The following NCAPD2 variants were observed in gnomAD, a reference collection of about 807,000 sequenced individuals.
NCAPD2 encodes non-SMC condensin I complex subunit D2.
A neutral mutation model predicts 164.5 loss-of-function variants in NCAPD2; 100 were observed. That is an observed-to-expected ratio of 0.61 (90% CI 0.52 to 0.72). The LOEUF (loss-of-function observed/expected upper bound fraction) is 0.72, where lower values mean the gene tolerates loss of function less well. NCAPD2 is among the 30% of genes least tolerant of loss of function. The pLI is 0.00. For missense variants in NCAPD2, 1,560 were observed against 1,749.2 expected (o/e 0.89, Z 1.93); for synonymous variants, 585 against 642.6 (o/e 0.91, Z 1.36).
chr12:6,510,023 G>A (rs1946131319), intron 3 of NCAPD2, 52 bp from the exon 4 acceptor site: 2 of 1,548,152 alleles, frequency 1.3e-6, no homozygotes, highest in Non-Finnish European at 1.8e-6. Flanking sequence ...CTGTTAGAAG[G>A]GGCTCTGCAG....
At position 6,504,198 on chromosome 12, in the gene NCAPD2, T is replaced by TAC. The variant is rs1565539556; in HGVS notation, c.128-5518_128-5517insCA. On this transcript the variant is annotated intron_variant, in intron 2 of 31. Coordinates refer to ENST00000315579, the MANE Select transcript of NCAPD2 (RefSeq NM_014865.4). ...ATATATATACATATATATATATATA[T>TAC]ATATATATATATATATATAGATATA... 6.8e-3 allele frequency among the ~76,000 whole-genome samples: 186 copies of TAC among 27,244 alleles called. 6 individuals are homozygous for TAC. The South Asian group carries it at 0.097, about 14-fold the overall frequency. 17.9% of individuals were successfully genotyped at this position (27,244 alleles called of 152,430 possible).
chr12:6,506,571 CAGAG>C (rs1337185698), intron 2 of NCAPD2, among the ~76,000 whole-genome samples: 1 of 148,280 alleles, frequency 6.7e-6, no homozygotes, highest in African/African-American at 2.5e-5. Context: ...GCCTGGGCGA[CAGAG>C]AGAGATTCCG....
In NCAPD2 at chr12:6,504,228, T is replaced by C. The variant is rs1451332013; in HGVS notation, c.128-5489T>C. Among the ~76,000 whole-genome samples, 428 of 55,852 alleles carry C rather than the reference T, an allele frequency of 7.7e-3. 14 individuals carry two copies. Among genetic ancestry groups the C allele is most frequent in the African/African-American group, 0.014 (192 of 14,068 alleles). The allele number at this position is 55,852 out of a possible 152,430, so 36.6% of individuals were successfully genotyped here. On this transcript the variant is annotated intron_variant, in intron 2 of 31. Coordinates refer to ENST00000315579, the MANE Select transcript of NCAPD2 (RefSeq NM_014865.4). ...ATATATATATATATAGATATAGATA[T>C]ATATATATATATATACCATTGGTCC...
In NCAPD2 at chr12:6,526,153, G is replaced by T; in HGVS notation, c.2434G>T (p.Ala812Ser). The T allele has an allele frequency of 6.2e-7, 1 of 1,614,158 alleles. No individual in the cohort carries two copies. The highest frequency in any genetic ancestry group is 8.5e-7 in the Non-Finnish European group (1 of 1,180,040). Residue 812 changes from alanine (A) to serine (S), a missense_variant, in exon 19 of 32, where the codon GCC (alanine) becomes TCC (serine). Ala to Ser is a moderately conservative substitution (Grantham distance 99, BLOSUM62 1). Transcript: ENST00000315579. ...DEKFPQDYRL[A>S]QQVCHAIANI... ...GAAGTTTCCACAGGACTACAGGCTG[G>T]CCCAGCAGGTGTGCCATGCCATTGC...
At chr12:6,517,075 G>T in intron 10 of NCAPD2, 50 bp downstream of exon 10, 1 of 1,567,110 alleles carries the variant, frequency 6.4e-7, no homozygotes. Context: ...CCATATACCA[G>T]TGTAAAGAGG....
At chr12:6,527,302 C>T (rs1186343306) in intron 22 of NCAPD2, among the ~76,000 whole-genome samples, 1 of 152,186 alleles carries the variant, frequency 6.6e-6, no homozygotes, top group African/African-American at 2.4e-5. Flanking sequence ...CAGCATAAAA[C>T]AGAGGCTTTG....
At position 6,517,675 on chromosome 12, in the gene NCAPD2, C is replaced by A; in HGVS notation, c.1400C>A (p.Ala467Glu). The A allele has an allele frequency of 6.2e-7, 1 of 1,614,242 alleles. No individual in the cohort carries two copies. Among genetic ancestry groups the A allele is most frequent in the Non-Finnish European group, 8.5e-7 (1 of 1,180,044 alleles). Reference sequence around the variant, plus strand: ...GAGATGAGGGCCCAGAGGCGAACTGCAGCAGCTTGTAAGTAGTTACTGCCT... The same window carrying A: ...GAGATGAGGGCCCAGAGGCGAACTGAAGCAGCTTGTAAGTAGTTACTGCCT... ...LQEMRAQRRT[A>E]AASAVLDPEE... The change falls in exon 12 of 32, where the codon GCA (alanine) becomes GAA (glutamate). Residue 467 changes from alanine (A) to glutamate (E), a missense_variant. Ala to Glu is a moderately radical substitution (Grantham distance 107). Coordinates refer to ENST00000315579, the MANE Select transcript of NCAPD2 (RefSeq NM_014865.4).
intron 2 of NCAPD2, among the ~76,000 whole-genome samples, chr12:6,504,224 G>GTATATATATATATATATATGT (rs1565539629): frequency 6.1e-5 from 2 of 32,816 alleles, no homozygotes; most frequent in African/African-American, 2.5e-4. Flanking sequence ...TATAGATATA[G>GTATATATATATATATATATGT]ATATATATAT....
chr12:6,497,908 C>T (rs934635012), intron 2 of NCAPD2, among the ~76,000 whole-genome samples: 45 of 146,986 alleles, frequency 3.1e-4, no homozygotes, highest in Non-Finnish European at 3.9e-4. Context: ...TGAGCCACCG[C>T]GCCCAGCCAC....
intron 6 of NCAPD2, among the ~76,000 whole-genome samples, chr12:6,512,928 C>T (rs765852706): frequency 3.3e-5 from 5 of 151,914 alleles, no homozygotes; most frequent in African/African-American, 7.3e-5. Context: ...ATGACTCTCC[C>T]GGGTTTTGGT....
intron 17 of NCAPD2, among the ~76,000 whole-genome samples, chr12:6,524,775 C>T (rs1276497978): frequency 6.6e-6 from 1 of 152,078 alleles, no homozygotes; most frequent in African/African-American, 2.4e-5. Context: ...GCCAGGCACC[C>T]AGCATTTTAG....
intron 28 of NCAPD2, 38 bp from the exon 29 acceptor site, chr12:6,529,737 G>A (rs1412067178): frequency 6.2e-7 from 1 of 1,602,704 alleles, no homozygotes; most frequent in East Asian, 2.2e-5. Context: ...TTACTAGCTG[G>A]ATCTCCCAGT....
chr12:6,526,289 T>C lies in NCAPD2; in HGVS notation c.2484T>C (p.Pro828=). ...CCACGTTGTCTTGCTCTCCACAGCC[T>C]TCTCTGGGCAAACGTCACCCCCCCT... ...AIANISDRRK[P]SLGKRHPPFR... Residue 828 remains proline, a splice_region_variant and synonymous_variant, in exon 20 of 32, where the codon CCT becomes CCC. Coordinates refer to ENST00000315579, the MANE Select transcript of NCAPD2 (RefSeq NM_014865.4). 6.2e-7 allele frequency: 1 copy of C among 1,614,168 alleles called. No individual in the cohort carries two copies. The highest frequency in any genetic ancestry group is 8.5e-7 in the Non-Finnish European group (1 of 1,180,028).
At position 6,528,824 on chromosome 12, in the gene NCAPD2, G is replaced by A; in HGVS notation, c.3445G>A (p.Ala1149Thr). ...CCCCGAGCCTCAGATTGCTGCCCTG[G>A]CCAAGAACTTCTTCAATGAGCTCTC... The part of the protein sequence containing the change: ...IDPEPQIAAL[A>T]KNFFNELSHK... Residue 1149 changes from alanine (A) to threonine (T), a missense_variant, in exon 26 of 32, where the codon GCC (alanine) becomes ACC (threonine). Transcript: ENST00000315579. This position sits in a 1 kb window ranked among gnomAD's most constrained non-coding sequence, Gnocchi z 5.1. The A allele has an allele frequency of 1.2e-6, 2 of 1,613,866 alleles. No homozygotes were observed. The highest frequency in any genetic ancestry group is 1.1e-5 in the South Asian group (1 of 91,070).
rs200984606 is a variant in NCAPD2 at position 6,531,510 on chromosome 12, T to TAA, written c.*98_*99insAA. 5.2e-5 allele frequency: 76 copies of TAA among 1,457,316 alleles called. No homozygotes were observed. Among genetic ancestry groups the TAA allele is most frequent in the African/African-American group, 4.1e-4 (26 of 63,760 alleles). The allele number at this position is 1,457,316 out of a possible 1,614,324, so 90.3% of individuals were successfully genotyped here. A position where few individuals can be genotyped will look rare whatever the true frequency, so the allele number is the denominator to read the frequency against. ...TAAAATATTTGTCTGTCTCTTTTTT[T>TAA]TAAAAAAAAAAAAGGCCGGGCACTG... On this transcript the variant is annotated 3_prime_UTR_variant, in exon 32 of 32. Coordinates refer to ENST00000315579, the MANE Select transcript of NCAPD2 (RefSeq NM_014865.4). The surrounding 1 kb of genome is among the most constrained non-coding windows in gnomAD (Gnocchi z 4.1).
chr12:6,514,955 TG>T, intron 9 of NCAPD2, 35 bp downstream of exon 9: 1 of 1,612,288 alleles, frequency 6.2e-7, no homozygotes, highest in Non-Finnish European at 8.5e-7. Context: ...GAGCTTTTTC[TG>T]GGGATTTTAA....
Position 6,531,495 on chromosome 12 carries a change from G to A in NCAPD2, c.*83G>A. On this transcript the variant is annotated 3_prime_UTR_variant, in exon 32 of 32. Transcript: ENST00000315579. This position sits in a 1 kb window ranked among gnomAD's most constrained non-coding sequence, Gnocchi z 4.1. ...ATTCTGTTTCCCTTGTAAAATATTT[G>A]TCTGTCTCTTTTTTTTAAAAAAAAA... is the stretch of plus-strand genomic sequence containing the variant. 3 of 1,548,298 alleles carry A rather than the reference G, an allele frequency of 1.9e-6. No homozygotes were observed. Among genetic ancestry groups the A allele is most frequent in the Non-Finnish European group, 2.6e-6 (3 of 1,150,534 alleles).
intron 2 of NCAPD2, among the ~76,000 whole-genome samples, chr12:6,496,747 T>C (rs1049035562): frequency 6.6e-6 from 1 of 151,984 alleles, no homozygotes; most frequent in African/African-American, 2.4e-5. Context: ...AGCCTCAATC[T>C]ACCAGGCTCA....
chr12:6,501,135 G>T (rs1456295119), intron 2 of NCAPD2, among the ~76,000 whole-genome samples: 1 of 147,712 alleles, frequency 6.8e-6, no homozygotes, highest in Admixed American at 6.9e-5. Context: ...ATCTTGGCTC[G>T]CTGCAACCTC....
Sources: gnomAD v4.1 joint callset for allele counts (sites outside exome capture counted in the v4.1 genomes callset) on GRCh38, gnomAD v4.1.1 for gene constraint, Gnocchi (gnomAD v3.1) non-coding constraint, MANE v1.5 for transcripts, NCBI Gene and HGNC (gene_info 2026-07-23, HGNC 2026-07-21) for gene names.